ZDHHC14: variants seen among roughly 807,000 people sequenced by gnomAD.
The protein encoded by ZDHHC14 is palmitoyltransferase ZDHHC14.
In ZDHHC14, 16 loss-of-function variants were observed where a neutral mutation model predicts 47.7. The observed-to-expected ratio is 0.34, with a 90% confidence interval of 0.23 to 0.51. The LOEUF (loss-of-function observed/expected upper bound fraction) is 0.51, where lower values mean the gene tolerates loss of function less well. Among genes scored for constraint, ZDHHC14 ranks in the 20% least tolerant of loss-of-function variants. ZDHHC14 has a pLI of 0.97. For synonymous variants in ZDHHC14, 293 were observed against 278.9 expected (o/e 1.05, Z -0.50); for missense variants, 515 against 662.5 (o/e 0.78, Z 2.44).
At chr6:157,432,147 C>T (rs1778351263) in intron 1 of ZDHHC14, among the ~76,000 whole-genome samples, 1 of 152,194 alleles carries the variant, frequency 6.6e-6, no homozygotes. Flanking sequence ...GCAGAGTTCA[C>T]CTCCAGTTTC....
At chr6:157,426,155 C>T (rs970412391) in intron 1 of ZDHHC14, among the ~76,000 whole-genome samples, 1 of 152,062 alleles carries the variant, frequency 6.6e-6, no homozygotes, top group Non-Finnish European at 1.5e-5. Flanking sequence ...GATGTGAGAG[C>T]CTCCCGCAAG....
At chr6:157,430,824 T>C (rs1348064050) in intron 1 of ZDHHC14, among the ~76,000 whole-genome samples, 13 of 152,224 alleles carry the variant, frequency 8.5e-5, no homozygotes, top group Non-Finnish European at 1.6e-4. Context: ...GCCAAGGCAT[T>C]TGTATTTGTG....
At chr6:157,440,622 G>A (rs775920313) in intron 1 of ZDHHC14, among the ~76,000 whole-genome samples, 7 of 152,130 alleles carry the variant, frequency 4.6e-5, no homozygotes, top group African/African-American at 7.2e-5. Flanking sequence ...TCACAGCAGC[G>A]TTCTTTACAA....
At chr6:157,439,692 A>T (rs927935109) in intron 1 of ZDHHC14, among the ~76,000 whole-genome samples, 6 of 152,212 alleles carry the variant, frequency 3.9e-5, no homozygotes, top group Non-Finnish European at 8.8e-5. Flanking sequence ...TCATCCTATT[A>T]CAAAGGTTCA....
chr6:157,524,918 C>T (rs1031233419), intron 1 of ZDHHC14, among the ~76,000 whole-genome samples: 3 of 152,224 alleles, frequency 2.0e-5, no homozygotes, highest in Non-Finnish European at 2.9e-5. Flanking sequence ...CAAATGACCC[C>T]AGAACTCAGT....
rs768206523 is a variant in ZDHHC14 at position 157,582,756 on chromosome 6, C to T, written c.407-10232C>T. 6.6e-6 allele frequency among the ~76,000 whole-genome samples: 1 copy of T among 152,068 alleles called. No homozygotes were observed. ...TTTTGCAGGAGTTCTCTTCATTTCC[C>T]GAACTTGAATGTCAGCCTCTCTAGC... On this transcript the variant is annotated intron_variant, in intron 2 of 8. Coordinates refer to ENST00000359775, the MANE Select transcript of ZDHHC14 (RefSeq NM_024630.3). This position sits in a 1 kb window ranked among gnomAD's most constrained non-coding sequence, Gnocchi z 4.3.
At chr6:157,432,818 G>T (rs191549364) in intron 1 of ZDHHC14, among the ~76,000 whole-genome samples, 134 of 152,300 alleles carry the variant, frequency 8.8e-4, no homozygotes, top group Non-Finnish European at 1.7e-3. Context: ...AAAAAATGGG[G>T]CAGGAAAACA....
At chr6:157,416,496 C>CA (rs570453755) in intron 1 of ZDHHC14, among the ~76,000 whole-genome samples, 79 of 147,566 alleles carry the variant, frequency 5.4e-4, no homozygotes, top group African/African-American at 1.6e-3. Context: ...GACCTTCTAT[C>CA]AAAAAAAAAC....
At chr6:157,540,612 G>A (rs1781708329) in intron 1 of ZDHHC14, among the ~76,000 whole-genome samples, 1 of 152,150 alleles carries the variant, frequency 6.6e-6, no homozygotes, top group South Asian at 2.1e-4. Context: ...TTGTCCAGCT[G>A]TGCCCTCGCT....
chr6:157,460,081 C>G (rs1464145692), intron 1 of ZDHHC14, among the ~76,000 whole-genome samples: 1 of 146,450 alleles, frequency 6.8e-6, no homozygotes. Flanking sequence ...AAAAAATAGC[C>G]AGGTCTAGCT....
chr6:157,471,102 C>T (rs1030612596), intron 1 of ZDHHC14, among the ~76,000 whole-genome samples: 108 of 152,286 alleles, frequency 7.1e-4, no homozygotes, highest in African/African-American at 2.5e-3. Flanking sequence ...AGGTCTCTTC[C>T]AGCCCCTGAC....
At chr6:157,392,645 ATGTGTGTGTG>A (rs372653506) in intron 1 of ZDHHC14, among the ~76,000 whole-genome samples, 3 of 147,334 alleles carry the variant, frequency 2.0e-5, no homozygotes, top group South Asian at 2.2e-4. Context: ...TAAGAGAAAG[ATGTGTGTGTG>A]TGTGTGTGTG....
At chr6:157,468,279 G>A (rs757462601) in intron 1 of ZDHHC14, among the ~76,000 whole-genome samples, 1 of 152,180 alleles carries the variant, frequency 6.6e-6, no homozygotes, top group Middle Eastern at 3.2e-3. Context: ...TGTCCAGTGT[G>A]CACTAAAGTG....
intron 3 of ZDHHC14, among the ~76,000 whole-genome samples, chr6:157,618,705 C>G (rs747590616): frequency 1.3e-5 from 2 of 152,088 alleles, no homozygotes; most frequent in Non-Finnish European, 2.9e-5. Context: ...CCAGTGGGCT[C>G]TTATTCCAAT....
In ZDHHC14 at chr6:157,676,902, C is replaced by T. The variant is rs184969757; in HGVS notation, c.*3780C>T. On this transcript the variant is annotated 3_prime_UTR_variant, in exon 9 of 9. Transcript: ENST00000359775. Reference sequence around the variant, plus strand: ...GTTCACCAGAAGGGATCGGGGTTTGCGTTGATATTATAAGGAATCTTCCCA... The same window carrying T: ...GTTCACCAGAAGGGATCGGGGTTTGTGTTGATATTATAAGGAATCTTCCCA... The T allele has an allele frequency of 1.3e-5, 2 of 152,326 alleles. No homozygotes were observed. The highest frequency in any genetic ancestry group is 1.9e-4 in the East Asian group (1 of 5,184). The allele number at this position is 152,326 out of a possible 1,614,324, so 9.4% of individuals were successfully genotyped here. A position where few individuals can be genotyped will look rare whatever the true frequency, so the allele number is the denominator to read the frequency against.
chr6:157,617,764 G>C (rs1785026758), intron 3 of ZDHHC14, among the ~76,000 whole-genome samples: 2 of 152,190 alleles, frequency 1.3e-5, no homozygotes, highest in Admixed American at 6.5e-5. Flanking sequence ...TCACGAGGGT[G>C]GGGGAGCTGG....
chr6:157,571,005 T>C (rs1783079451), intron 2 of ZDHHC14, among the ~76,000 whole-genome samples: 1 of 152,162 alleles, frequency 6.6e-6, no homozygotes, highest in South Asian at 2.1e-4. Context: ...GAAGCTGAAG[T>C]CTGTTTTCTC....
chr6:157,607,372 G>T (rs900548094), intron 3 of ZDHHC14, among the ~76,000 whole-genome samples: 1 of 152,096 alleles, frequency 6.6e-6, no homozygotes, highest in Non-Finnish European at 1.5e-5. Context: ...CAAGAATGCC[G>T]CATTTAAAGG....
intron 3 of ZDHHC14, among the ~76,000 whole-genome samples, chr6:157,619,480 C>T (rs926576096): frequency 3.9e-5 from 6 of 152,130 alleles, no homozygotes; most frequent in African/African-American, 7.2e-5. Context: ...GCTGAAGGGA[C>T]CTCTGTTGTC....
Sources: allele counts gnomAD v4.1 joint callset (sites outside exome capture counted in the v4.1 genomes callset), GRCh38; gene constraint gnomAD v4.1.1; non-coding constraint Gnocchi (gnomAD v3.1); transcripts MANE v1.5; gene names NCBI Gene and HGNC (gene_info 2026-07-23, HGNC 2026-07-21).